ADAM10: variants seen among roughly 807,000 people sequenced by gnomAD.
ADAM10 encodes ADAM metallopeptidase domain 10, also known as disintegrin and metalloproteinase domain-containing protein 10.
ADAM10 carries 17 observed loss-of-function variants against 90.1 expected under a neutral mutation model. The observed-to-expected ratio is 0.19, with a 90% CI of 0.13 to 0.28. The LOEUF is 0.28. Ranked by LOEUF, ADAM10 falls within the 10% of genes least tolerant of loss-of-function variation. The probability of loss-of-function intolerance (pLI) is 1.00; values close to 1 mark genes in which losing one functional copy is unlikely to be tolerated. For missense variants in ADAM10, 610 were observed against 914.3 expected, an observed-to-expected ratio of 0.67 and a Z score of 4.29; for synonymous variants, 310 against 298.6, an observed-to-expected ratio of 1.04 and a Z score of -0.40.
chr15:58,595,238 A>C lies in ADAM10; in HGVS notation c.*2309T>G, dbSNP rs1042679990. 1 of 152,126 alleles carries C rather than the reference A, an allele frequency of 6.6e-6. No individual in the cohort carries two copies. Among genetic ancestry groups the C allele is most frequent in the Non-Finnish European group, 1.5e-5 (1 of 67,974 alleles). The allele number at this position is 152,126 out of a possible 1,614,324, so 9.4% of individuals were successfully genotyped here. A position where few individuals can be genotyped will look rare whatever the true frequency, so the allele number is the denominator to read the frequency against. ...TTAAAAAGGTTTATTGTGTGTACGCAGAGTATCTAACTGGAAATTTTCTAC... is the reference window on the plus strand; with the variant it reads ...TTAAAAAGGTTTATTGTGTGTACGCCGAGTATCTAACTGGAAATTTTCTAC... On this transcript the variant is annotated 3_prime_UTR_variant, in exon 16 of 16. Coordinates refer to ENST00000260408, the MANE Select transcript of ADAM10 (RefSeq NM_001110.4).
chr15:58,598,032 T>A (rs1895003581), intron 15 of ADAM10, among the ~76,000 whole-genome samples: 1 of 152,168 alleles, frequency 6.6e-6, no homozygotes, highest in African/African-American at 2.4e-5. Context: ...TTAATCCAGA[T>A]TAATATCACA....
chr15:58,617,909 A>C (rs1383867764), intron 11 of ADAM10, among the ~76,000 whole-genome samples: 2 of 150,162 alleles, frequency 1.3e-5, no homozygotes, highest in Non-Finnish European at 2.9e-5. Flanking sequence ...AAAAAAAAAA[A>C]AAACACATTT....
chr15:58,646,983 C>T (rs1193865372), intron 5 of ADAM10, among the ~76,000 whole-genome samples: 1 of 152,170 alleles, frequency 6.6e-6, no homozygotes, highest in African/African-American at 2.4e-5. Context: ...GCTGACACTA[C>T]CTCTTCTGAT....
In ADAM10 at chr15:58,720,296, C is replaced by T. The variant is rs73426549; in HGVS notation, c.56-2569G>A. On this transcript the variant is annotated intron_variant, in intron 1 of 15. Transcript: ENST00000260408. The stretch of plus-strand genomic sequence containing the variant: ...AGAGGTGAGAAGAATGAGTCCAAAA[C>T]TATCTTCACAAGTAGCAAAGAAATT... Among the ~76,000 whole-genome samples the T allele has an allele frequency of 2.6e-3, 399 of 152,268 alleles. 1 individual carries two copies. The highest frequency in any genetic ancestry group is 3.7e-3 in the African/African-American group (152 of 41,556).
chr15:58,649,079 T>C (rs759074856), intron 5 of ADAM10, among the ~76,000 whole-genome samples: 14 of 152,146 alleles, frequency 9.2e-5, no homozygotes, highest in Non-Finnish European at 1.6e-4. Flanking sequence ...TACAGATATT[T>C]TGGGGTTTAA....
intron 2 of ADAM10, among the ~76,000 whole-genome samples, chr15:58,700,662 C>A (rs1898107025): frequency 6.6e-6 from 1 of 151,980 alleles, no homozygotes; most frequent in South Asian, 2.1e-4. Context: ...TAATGAAGCA[C>A]CTCAAGGAAC....
chr15:58,713,446 T>A (rs1047903616), intron 2 of ADAM10, among the ~76,000 whole-genome samples: 1 of 152,040 alleles, frequency 6.6e-6, no homozygotes, highest in Non-Finnish European at 1.5e-5. Context: ...ATCATCGACA[T>A]CAAAAAGATG....
Position 58,597,323 on chromosome 15 carries a change from C to G in ADAM10, c.*224G>C, listed in dbSNP as rs1412373247. On this transcript the variant is annotated 3_prime_UTR_variant, in exon 16 of 16. Transcript: ENST00000260408. ...TGCCATTAAGTTAAAAATATCTGTT[C>G]ATAAGAAAATTGGGTTCCTTTTCCA... 3 of 1,459,812 alleles carry G rather than the reference C, an allele frequency of 2.1e-6. No individual in the cohort carries two copies. Among genetic ancestry groups the G allele is most frequent in the African/African-American group, 1.4e-5 (1 of 70,238 alleles). 90.4% of individuals were successfully genotyped at this position (1,459,812 alleles called of 1,614,324 possible).
chr15:58,691,501 T>C (rs774958288), intron 2 of ADAM10: 3 of 592,508 alleles, frequency 5.1e-6, no homozygotes, highest in South Asian at 4.2e-5. Context: ...AGAGATGTCA[T>C]CTCATCTCCA....
In ADAM10 at chr15:58,652,109, T is replaced by G. The variant is rs549680682; in HGVS notation, c.586-5905A>C. 1.2e-4 allele frequency among the ~76,000 whole-genome samples: 18 copies of G among 152,306 alleles called. No homozygotes were observed. The South Asian group carries it at 3.7e-3, about 32-fold the overall frequency. On this transcript the variant is annotated intron_variant, in intron 5 of 15. Transcript: ENST00000260408. Reference sequence around the variant, plus strand: ...TTTAATCAGATTAGATTTTTTTCTATAGAGTTATTTCAGCTCCTTATATAT... The same window carrying G: ...TTTAATCAGATTAGATTTTTTTCTAGAGAGTTATTTCAGCTCCTTATATAT...
chr15:58,667,550 A>T (rs1471483702), intron 4 of ADAM10, among the ~76,000 whole-genome samples: 5 of 152,170 alleles, frequency 3.3e-5, no homozygotes, highest in African/African-American at 1.2e-4. Flanking sequence ...ATATGCCATG[A>T]ATCACCAAAG....
At chr15:58,746,345 T>C (rs150717303) in intron 1 of ADAM10, among the ~76,000 whole-genome samples, 133 of 152,194 alleles carry the variant, frequency 8.7e-4, no homozygotes, top group African/African-American at 3.1e-3. Context: ...ATAATACACA[T>C]CCTTGAAGAT....
chr15:58,608,068 A>T (rs2140995291), intron 14 of ADAM10, among the ~76,000 whole-genome samples: 1 of 152,362 alleles, frequency 6.6e-6, no homozygotes, highest in Middle Eastern at 3.4e-3. Context: ...CTCAGCAAAT[A>T]CAGTAAATGT....
chr15:58,635,025 A>C (rs1352335948), intron 8 of ADAM10, among the ~76,000 whole-genome samples: 1 of 152,106 alleles, frequency 6.6e-6, no homozygotes, highest in Non-Finnish European at 1.5e-5. Context: ...TTACTGTTAA[A>C]ATTCAGAAAG....
intron 1 of ADAM10, among the ~76,000 whole-genome samples, chr15:58,720,309 T>C (rs1409932625): frequency 6.6e-6 from 1 of 152,088 alleles, no homozygotes; most frequent in Non-Finnish European, 1.5e-5. Context: ...TCTTCACAAG[T>C]AGCAAAGAAA....
intron 1 of ADAM10, among the ~76,000 whole-genome samples, chr15:58,743,687 C>T (rs1389549313): frequency 6.6e-6 from 1 of 152,172 alleles, no homozygotes; most frequent in African/African-American, 2.4e-5. Context: ...TCACTGCAAC[C>T]TCCACCTCCC....
At chr15:58,633,137 C>T in intron 9 of ADAM10, 59 bp downstream of exon 9, 1 of 1,477,312 alleles carries the variant, frequency 6.8e-7, no homozygotes, top group Non-Finnish European at 9.4e-7. Flanking sequence ...AAATAAATCA[C>T]TCAACATAAA....
intron 2 of ADAM10, among the ~76,000 whole-genome samples, chr15:58,707,089 G>A (rs1340995727): frequency 2.6e-4 from 29 of 111,104 alleles, no homozygotes; most frequent in South Asian, 5.3e-4. Flanking sequence ...TTTGGGGGGG[G>A]GAAAAAAGCT....
At chr15:58,647,929 T>C (rs1896593285) in intron 5 of ADAM10, among the ~76,000 whole-genome samples, 1 of 152,174 alleles carries the variant, frequency 6.6e-6, no homozygotes, top group South Asian at 2.1e-4. Context: ...AAAAGGATCA[T>C]CTTAAGTATT....
Sources: allele counts gnomAD v4.1 joint callset (sites outside exome capture counted in the v4.1 genomes callset), GRCh38; gene constraint gnomAD v4.1.1; transcripts MANE v1.5; gene names NCBI Gene and HGNC (gene_info 2026-07-23, HGNC 2026-07-21).